The following TBC1D4 variants were observed in gnomAD, a reference collection of about 807,000 sequenced individuals.
TBC1D4 encodes the protein TBC1 domain family member 4.
TBC1D4 carries 121 observed loss-of-function variants against 142.5 expected under a neutral mutation model. That is an observed-to-expected ratio of 0.85 (90% CI 0.73 to 0.99). The LOEUF (loss-of-function observed/expected upper bound fraction) is 0.99, where lower values mean the gene tolerates loss of function less well. Ranked by LOEUF, TBC1D4 falls within the 50% of genes least tolerant of loss-of-function variation. The probability of loss-of-function intolerance (pLI) is 0.00; values close to 1 mark genes in which losing one functional copy is unlikely to be tolerated. For synonymous variants in TBC1D4, 630 were observed against 628.2 expected (o/e 1.00, Z -0.04); for missense variants, 1,475 against 1,606.6 (o/e 0.92, Z 1.40).
intron 1 of TBC1D4, among the ~76,000 whole-genome samples, chr13:75,409,935 T>C (rs1885543170): frequency 1.3e-5 from 2 of 152,206 alleles, no homozygotes; most frequent in African/African-American, 4.8e-5. Flanking sequence ...CTTTCAAATA[T>C]TCTGACCCAC....
At chr13:75,389,614 TTAAA>T (rs71201176) in intron 1 of TBC1D4, among the ~76,000 whole-genome samples, 9,144 of 152,034 alleles carry the variant, frequency 0.06, 422 homozygotes, top group Non-Finnish European at 0.083. Context: ...ATTAAACTGG[TTAAA>T]TAAATAAAAT....
At chr13:75,431,800 A>G (rs748991057) in intron 1 of TBC1D4, among the ~76,000 whole-genome samples, 1 of 152,234 alleles carries the variant, frequency 6.6e-6, no homozygotes, top group Non-Finnish European at 1.5e-5. Context: ...AAAGATTCAG[A>G]TAATTTATAT....
chr13:75,409,991 T>A (rs1593855315), intron 1 of TBC1D4, among the ~76,000 whole-genome samples: 2 of 152,324 alleles, frequency 1.3e-5, no homozygotes, highest in East Asian at 1.9e-4. Flanking sequence ...GATTTTTAAA[T>A]TTGTTCACCA....
rs192750887 is a variant in TBC1D4, at chr13:75,381,824, A to G, written c.499-19217T>C. Among the ~76,000 whole-genome samples the G allele has an allele frequency of 2.2e-4, 33 of 152,372 alleles. No homozygotes were observed. The East Asian group carries it at 6.2e-3, about 28-fold the overall frequency. On this transcript the variant is annotated intron_variant, in intron 1 of 20. Coordinates refer to ENST00000377636, the MANE Select transcript of TBC1D4 (RefSeq NM_014832.5). Reference sequence around the variant, plus strand: ...ATGGCTCAGACTCTAAAATGAATAGATCCAAACACACAAAATAATATACAA... The same window carrying G: ...ATGGCTCAGACTCTAAAATGAATAGGTCCAAACACACAAAATAATATACAA...
chr13:75,450,071 G>C (rs553879229), intron 1 of TBC1D4, among the ~76,000 whole-genome samples: 1 of 152,080 alleles, frequency 6.6e-6, no homozygotes, highest in African/African-American at 2.4e-5. Context: ...AATTTTAATG[G>C]ATTTGAAAAT....
In TBC1D4 at chr13:75,366,271, A is replaced by G. The variant is rs551767989; in HGVS notation, c.499-3664T>C. ...CTGACAGGTTTATATTCTATCCCCA[A>G]TATTTTGCTCAAGACCTCTGGGAAT... On this transcript the variant is annotated intron_variant, in intron 1 of 20. Transcript: ENST00000377636. Among the ~76,000 whole-genome samples the G allele has an allele frequency of 3.9e-5, 6 of 152,318 alleles. No individual in the cohort carries two copies. In the South Asian group the frequency reaches 8.3e-4, roughly 21 times the overall value.
chr13:75,367,343 G>A (rs982748523), intron 1 of TBC1D4, among the ~76,000 whole-genome samples: 1 of 152,046 alleles, frequency 6.6e-6, no homozygotes, highest in African/African-American at 2.4e-5. Flanking sequence ...GATAACAGAT[G>A]AACTTCAATA....
chr13:75,445,055 A>G (rs978504803), intron 1 of TBC1D4, among the ~76,000 whole-genome samples: 3 of 152,180 alleles, frequency 2.0e-5, no homozygotes, highest in Admixed American at 6.5e-5. Flanking sequence ...ACACTTAACC[A>G]TTGGAAGAGT....
At chr13:75,327,418 G>T (rs1879355585) in intron 9 of TBC1D4, among the ~76,000 whole-genome samples, 1 of 151,994 alleles carries the variant, frequency 6.6e-6, no homozygotes, top group Non-Finnish European at 1.5e-5. Flanking sequence ...AATAACACGG[G>T]AAGGGAACAA....
chr13:75,287,576 C>G (rs138687468), intron 20 of TBC1D4, among the ~76,000 whole-genome samples: 1 of 152,138 alleles, frequency 6.6e-6, no homozygotes, highest in Non-Finnish European at 1.5e-5. Context: ...AATAATTAAT[C>G]GCCATTGACC....
intron 8 of TBC1D4, among the ~76,000 whole-genome samples, chr13:75,329,216 T>C (rs1879536542): frequency 6.6e-6 from 1 of 152,154 alleles, no homozygotes; most frequent in Non-Finnish European, 1.5e-5. Context: ...ACTGTAAGTA[T>C]TGTTTGCAGC....
At position 75,286,577 on chromosome 13, in the gene TBC1D4, A is replaced by T; in HGVS notation, c.*215T>A. On this transcript the variant is annotated 3_prime_UTR_variant, in exon 21 of 21. Coordinates refer to ENST00000377636, the MANE Select transcript of TBC1D4 (RefSeq NM_014832.5). ...TCATTTTATATATATATTTATATGT[A>T]CATAGCAACAACAAAAACCAGTCTA... 1.8e-6 allele frequency: 1 copy of T among 559,864 alleles called. No homozygotes were observed. Among genetic ancestry groups the T allele is most frequent in the Non-Finnish European group, 3.2e-6 (1 of 314,466 alleles). 34.7% of individuals were successfully genotyped at this position (559,864 alleles called of 1,614,324 possible). A position where few individuals can be genotyped will look rare whatever the true frequency, so the allele number is the denominator to read the frequency against.
intron 1 of TBC1D4, among the ~76,000 whole-genome samples, chr13:75,390,189 A>T (rs1477674093): frequency 6.7e-6 from 1 of 149,482 alleles, no homozygotes; most frequent in Non-Finnish European, 1.5e-5. Context: ...CTAAGGCAAG[A>T]GAATCTCTTG....
At chr13:75,440,978 C>A (rs1411694891) in intron 1 of TBC1D4, among the ~76,000 whole-genome samples, 3 of 152,076 alleles carry the variant, frequency 2.0e-5, no homozygotes, top group Non-Finnish European at 2.9e-5. Context: ...AGAGGACAGG[C>A]CAGGCACGGT....
At chr13:75,400,560 C>G (rs752872121) in intron 1 of TBC1D4, among the ~76,000 whole-genome samples, 31 of 151,154 alleles carry the variant, frequency 2.1e-4, no homozygotes, top group Admixed American at 5.3e-4. Flanking sequence ...TGGGTTCAAG[C>G]GATTCTCCTG....
Position 75,396,699 on chromosome 13 carries a change from C to T in TBC1D4, c.499-34092G>A, listed in dbSNP as rs147132270. 7.2e-5 allele frequency among the ~76,000 whole-genome samples: 11 copies of T among 151,820 alleles called. No homozygotes were observed. The East Asian group carries it at 2.1e-3, about 29-fold the overall frequency. ...GAAAAAGAAAAAAACAATGATGAAGCAGGAATATAAGATCAGAAAACAAAT... is the reference window on the plus strand; with the variant it reads ...GAAAAAGAAAAAAACAATGATGAAGTAGGAATATAAGATCAGAAAACAAAT... On this transcript the variant is annotated intron_variant, in intron 1 of 20. Coordinates refer to ENST00000377636, the MANE Select transcript of TBC1D4 (RefSeq NM_014832.5).
chr13:75,422,307 G>C (rs1390826649), intron 1 of TBC1D4, among the ~76,000 whole-genome samples: 1 of 151,656 alleles, frequency 6.6e-6, no homozygotes, highest in African/African-American at 2.4e-5. Flanking sequence ...CCTGAATTTA[G>C]GAAGCCACTG....
At chr13:75,332,084 C>T (rs1049220905) in intron 8 of TBC1D4, among the ~76,000 whole-genome samples, 1 of 152,160 alleles carries the variant, frequency 6.6e-6, no homozygotes, top group Non-Finnish European at 1.5e-5. Context: ...AATGTCATTA[C>T]AGCAATTGAA....
At chr13:75,427,075 A>G (rs1886404011) in intron 1 of TBC1D4, among the ~76,000 whole-genome samples, 1 of 151,024 alleles carries the variant, frequency 6.6e-6, no homozygotes, top group African/African-American at 2.4e-5. Context: ...AGGAATGAAT[A>G]CCTTCAAAAT....
Sources: gnomAD v4.1 joint callset for allele counts (sites outside exome capture counted in the v4.1 genomes callset) on GRCh38, gnomAD v4.1.1 for gene constraint, MANE v1.5 for transcripts, NCBI Gene and HGNC (gene_info 2026-07-23, HGNC 2026-07-21) for gene names.